NTM: variants seen among roughly 807,000 people sequenced by gnomAD.
NTM encodes the protein neurotrimin.
In NTM, 13 loss-of-function variants were observed where a neutral mutation model predicts 42.1. The observed-to-expected ratio is 0.31, with a 90% CI of 0.20 to 0.49. The LOEUF (loss-of-function observed/expected upper bound fraction) is 0.49, where lower values mean the gene tolerates loss of function less well. Ranked by LOEUF, NTM falls within the 20% of genes least tolerant of loss-of-function variation. NTM has a pLI of 0.99. For synonymous variants in NTM, 187 were observed against 179.2 expected (o/e 1.04, Z -0.35); for missense variants, 373 against 452.8 (o/e 0.82, Z 1.60).
chr11:131,806,482 G>A (rs1298406941), intron 1 of NTM, among the ~76,000 whole-genome samples: 1 of 152,092 alleles, frequency 6.6e-6, no homozygotes, highest in Non-Finnish European at 1.5e-5. Flanking sequence ...AAGAGAAAAA[G>A]TGCTCAACAA....
intron 3 of NTM, among the ~76,000 whole-genome samples, chr11:132,190,815 C>G (rs974798409): frequency 1.1e-4 from 17 of 151,550 alleles, no homozygotes; most frequent in African/African-American, 4.1e-4. Flanking sequence ...AAGGTAAAGT[C>G]AGAGACTTCC....
chr11:132,070,635 G>A (rs1459087645), intron 2 of NTM, among the ~76,000 whole-genome samples: 5 of 125,080 alleles, frequency 4.0e-5, no homozygotes, highest in South Asian at 3.0e-4. Context: ...GCCAAAACAC[G>A]TCAAACTGAC....
At chr11:131,511,450 T>C (rs2048236282) in intron 1 of NTM, among the ~76,000 whole-genome samples, 1 of 152,194 alleles carries the variant, frequency 6.6e-6, no homozygotes, top group African/African-American at 2.4e-5. Flanking sequence ...CCCTGTCAAC[T>C]CCAGCACACC....
chr11:131,961,072 C>A (rs760039498), intron 2 of NTM, among the ~76,000 whole-genome samples: 11 of 152,210 alleles, frequency 7.2e-5, no homozygotes, highest in Non-Finnish European at 1.2e-4. Flanking sequence ...AAGCATGAGT[C>A]CCCTAGATCC....
intron 4 of NTM, among the ~76,000 whole-genome samples, chr11:132,233,523 T>C (rs368138565): frequency 3.9e-5 from 6 of 152,230 alleles, no homozygotes; most frequent in African/African-American, 1.4e-4. Context: ...TATTTTTAAG[T>C]GGTTGAAAAA....
At position 132,051,446 on chromosome 11, in the gene NTM, C is replaced by T. The variant is rs75030802; in HGVS notation, c.168-94836C>T. Among the ~76,000 whole-genome samples the T allele has an allele frequency of 6.0e-3, 908 of 152,252 alleles. 5 individuals carry two copies. Among genetic ancestry groups the T allele is most frequent in the African/African-American group, 0.021 (865 of 41,532 alleles). ...TTATATTTTTCTTATATTTTCACTC[C>T]GTGTGGGTTCTGGAATTGCTGGGAT... On this transcript the variant is annotated intron_variant, in intron 2 of 8. Transcript: ENST00000683400.
chr11:132,248,720 C>G (rs986361167), intron 4 of NTM, among the ~76,000 whole-genome samples: 1 of 152,238 alleles, frequency 6.6e-6, no homozygotes, highest in African/African-American at 2.4e-5. Context: ...GCAATTTCAG[C>G]TGAAGGCAGT....
intron 2 of NTM, among the ~76,000 whole-genome samples, chr11:132,101,114 T>C (rs550511324): frequency 6.6e-6 from 1 of 152,346 alleles, no homozygotes; most frequent in South Asian, 2.1e-4. Flanking sequence ...ATAATTAGTA[T>C]GGATTGTTCC....
Position 131,788,143 on chromosome 11 carries a change from T to A in NTM, c.83-123421T>A, listed in dbSNP as rs188025390. On this transcript the variant is annotated intron_variant, in intron 1 of 8. Coordinates refer to ENST00000683400, the MANE Select transcript of NTM (RefSeq NM_001352005.2). ...TGTTTGTTTTTAATTCTTGATCATATCCATGTTAAGTCCGTCATTTTAGGT... is the reference window on the plus strand; with the variant it reads ...TGTTTGTTTTTAATTCTTGATCATAACCATGTTAAGTCCGTCATTTTAGGT... Among the ~76,000 whole-genome samples the A allele has an allele frequency of 7.2e-5, 11 of 152,322 alleles. No homozygotes were observed. The East Asian group carries it at 1.7e-3, about 24-fold the overall frequency.
At chr11:132,322,134 A>C (rs1013447570) in intron 7 of NTM, among the ~76,000 whole-genome samples, 14 of 152,064 alleles carry the variant, frequency 9.2e-5, no homozygotes, top group South Asian at 6.2e-4. Context: ...CGAGCAAAAT[A>C]ACCAGCTAAC....
intron 1 of NTM, among the ~76,000 whole-genome samples, chr11:131,590,946 G>T (rs1308361035): frequency 6.6e-6 from 1 of 152,192 alleles, no homozygotes; most frequent in Non-Finnish European, 1.5e-5. Flanking sequence ...TGGCCCTGAA[G>T]TGAGGTGGGC....
chr11:131,542,472 T>A (rs1051172044), intron 1 of NTM, among the ~76,000 whole-genome samples: 20 of 152,186 alleles, frequency 1.3e-4, no homozygotes, highest in Admixed American at 1.3e-3. Context: ...AATCTTTTCT[T>A]CTCTTAGCTG....
intron 1 of NTM, among the ~76,000 whole-genome samples, chr11:131,522,277 A>T (rs1013635534): frequency 1.3e-5 from 2 of 152,118 alleles, no homozygotes; most frequent in African/African-American, 4.8e-5. Flanking sequence ...TGGAGAGCTA[A>T]GTCAAGCCCT....
chr11:132,041,021 G>A (rs905828167), intron 2 of NTM, among the ~76,000 whole-genome samples: 5 of 152,190 alleles, frequency 3.3e-5, no homozygotes, highest in African/African-American at 1.2e-4. Context: ...TAGATGTCCA[G>A]TAAATTTTAG....
At chr11:131,387,063 A>C (rs1011386252) in intron 1 of NTM, among the ~76,000 whole-genome samples, 4 of 152,194 alleles carry the variant, frequency 2.6e-5, no homozygotes, top group African/African-American at 9.6e-5. Context: ...GTCTATCATT[A>C]ACTTTAGGGG....
Position 132,107,339 on chromosome 11 carries a change from C to CTT in NTM, c.168-38915_168-38914dup, listed in dbSNP as rs780844735. ...TGGTAGTTCAAGTAAAAGATTTATC[C>CTT]TTTTTTTTTTTTTTTTTTTTTTTTT... is the stretch of plus-strand genomic sequence containing the variant. On this transcript the variant is annotated intron_variant, in intron 2 of 8. Transcript: ENST00000683400. Among the ~76,000 whole-genome samples, 692 of 88,842 alleles carry CTT rather than the reference C, an allele frequency of 7.8e-3. 100 individuals carry two copies. Among genetic ancestry groups the CTT allele is most frequent in the African/African-American group, 0.03 (590 of 19,986 alleles). The allele number at this position is 88,842 out of a possible 152,430, so 58.3% of individuals were successfully genotyped here. A position where few individuals can be genotyped will look rare whatever the true frequency, so the allele number is the denominator to read the frequency against.
intron 2 of NTM, among the ~76,000 whole-genome samples, chr11:131,965,453 G>A (rs1297911165): frequency 6.6e-6 from 1 of 152,170 alleles, no homozygotes; most frequent in Non-Finnish European, 1.5e-5. Flanking sequence ...ATGCTTGAAT[G>A]CCAACTACAT....
At chr11:131,508,454 A>G (rs1390628035) in intron 1 of NTM, among the ~76,000 whole-genome samples, 5 of 146,474 alleles carry the variant, frequency 3.4e-5, no homozygotes, top group Non-Finnish European at 1.5e-5. Context: ...AAACTAGTTC[A>G]ACCATTGTGG....
At chr11:131,483,013 T>A (rs1355409908) in intron 1 of NTM, among the ~76,000 whole-genome samples, 1 of 152,212 alleles carries the variant, frequency 6.6e-6, no homozygotes, top group Non-Finnish European at 1.5e-5. Flanking sequence ...TCTCTTTTAA[T>A]CTTCTTAGAG....
Sources: allele counts gnomAD v4.1 joint callset (sites outside exome capture counted in the v4.1 genomes callset), GRCh38; gene constraint gnomAD v4.1.1; transcripts MANE v1.5; gene names NCBI Gene and HGNC (gene_info 2026-07-23, HGNC 2026-07-21).